The following GINS2 variants were observed in gnomAD, a reference collection of about 807,000 sequenced individuals.
The protein encoded by GINS2 is DNA replication complex GINS protein PSF2.
Under a neutral mutation model 21.2 loss-of-function variants are expected in GINS2, and 23 were observed. That is an observed-to-expected ratio of 1.08 (90% CI 0.78 to 1.53). The LOEUF (loss-of-function observed/expected upper bound fraction) is 1.53. Among genes scored for constraint, GINS2 ranks in the 40% most tolerant of loss-of-function variants. The pLI is 0.00. For synonymous variants in GINS2, 118 were observed against 85.6 expected (o/e 1.38, Z -2.09); for missense variants, 323 against 233.9 (o/e 1.38, Z -2.49).
At chr16:85,686,723 G>C (rs1167236753) in intron 2 of GINS2, among the ~76,000 whole-genome samples, 1 of 152,188 alleles carries the variant, frequency 6.6e-6, no homozygotes, top group Non-Finnish European at 1.5e-5. Flanking sequence ...AGATCTTTAA[G>C]ATGTTTCAGG....
rs1175581807 is a variant in GINS2 at position 85,677,253 on chromosome 16, CAAGGT to C, written c.*954_*958del. 6.6e-6 allele frequency: 1 copy of C among 152,176 alleles called. No individual in the cohort carries two copies. 9.4% of individuals were successfully genotyped at this position (152,176 alleles called of 1,614,324 possible). ...GATGCTGGACGATCATTTCACCTCT[CAAGGT>C]AATGTAATTTCTGTAAAGGTCCTAA... On this transcript the variant is annotated 3_prime_UTR_variant, in exon 5 of 5. Transcript: ENST00000253462.
intron 1 of GINS2, 123 bp downstream of exon 1, chr16:85,688,686 C>G (rs1156392138): frequency 1.1e-5 from 5 of 460,912 alleles, no homozygotes; most frequent in Non-Finnish European, 1.9e-5. Context: ...AGTCAAGCGC[C>G]GAGTGGTGGC....
rs1031532661 is a variant in GINS2, at chr16:85,688,734, G to A, written c.90+75C>T. The A allele has an allele frequency of 1.3e-4, 108 of 825,854 alleles. 2 individuals are homozygous for A. In the African/African-American group the frequency reaches 1.8e-3, roughly 14 times the overall value. The allele number at this position is 825,854 out of a possible 1,614,324, so 51.2% of individuals were successfully genotyped here. ...GGGAGCAGGGCGAGCCCGCGACCCCGGGGCTGAAGGCCACGCGGGAGCCCC... is the reference window on the plus strand; with the variant it reads ...GGGAGCAGGGCGAGCCCGCGACCCCAGGGCTGAAGGCCACGCGGGAGCCCC... On this transcript the variant is annotated intron_variant, in intron 1 of 4. Transcript: ENST00000253462.
At chr16:85,681,813 G>T in intron 2 of GINS2, 132 bp from the exon 3 acceptor site, 1 of 612,452 alleles carries the variant, frequency 1.6e-6, no homozygotes, top group Non-Finnish European at 2.9e-6. Context: ...AAAACATTTT[G>T]GGATGACATT....
intron 2 of GINS2, among the ~76,000 whole-genome samples, chr16:85,684,992 T>G (rs2053762854): frequency 6.6e-6 from 1 of 152,130 alleles, no homozygotes; most frequent in Non-Finnish European, 1.5e-5. Flanking sequence ...TTTCACCATG[T>G]TGGCCAGGCT....
rs1445896071 is a variant in GINS2, at chr16:85,684,912, C to A, written c.205+2548G>T. Among the ~76,000 whole-genome samples the A allele has an allele frequency of 2.0e-5, 3 of 152,124 alleles. No individual in the cohort carries two copies. In the East Asian group the frequency reaches 5.8e-4, roughly 29 times the overall value. On this transcript the variant is annotated intron_variant, in intron 2 of 4. Transcript: ENST00000253462. The stretch of plus-strand genomic sequence containing the variant: ...AAGCAATTCTCCCTGCCTCAGCCTC[C>A]CAAGTAGCTGGGATTACAGGCGCCC...
intron 1 of GINS2, among the ~76,000 whole-genome samples, chr16:85,688,266 A>C (rs1218843303): frequency 1.3e-5 from 2 of 151,514 alleles, no homozygotes; most frequent in Admixed American, 6.6e-5. Context: ...CAAATAAATA[A>C]GCCGGGCGCA....
chr16:85,681,058 G>A (rs1269044343), intron 3 of GINS2, among the ~76,000 whole-genome samples: 1 of 152,240 alleles, frequency 6.6e-6, no homozygotes. Context: ...AAGCTACGGA[G>A]TTACTACAGC....
intron 2 of GINS2, 106 bp downstream of exon 2, chr16:85,687,354 A>C (rs954835160): frequency 3.3e-6 from 2 of 599,816 alleles, no homozygotes; most frequent in Admixed American, 5.8e-5. Flanking sequence ...CAGAGGGAGC[A>C]CGGACCTAGT....
intron 3 of GINS2, 149 bp downstream of exon 3, chr16:85,681,433 T>A (rs2053731363): frequency 1.7e-6 from 1 of 604,858 alleles, no homozygotes; most frequent in East Asian, 2.9e-5. Flanking sequence ...ACAGATGACC[T>A]CATGGTCACT....
Position 85,678,631 on chromosome 16 carries a change from C to A in GINS2, c.341G>T (p.Arg114Leu), listed in dbSNP as rs776634355. The A allele has an allele frequency of 2.0e-5, 33 of 1,613,604 alleles. No homozygotes were observed. Among genetic ancestry groups the A allele is most frequent in the Admixed American group, 1.8e-4 (11 of 59,988 alleles). ...SDNIPKADEIRTLVKDMWDTR... is the reference protein window; with the variant it reads ...SDNIPKADEILTLVKDMWDTR... ...GTCCCACATATCCTTGACCAGGGTC[C>A]GGATTTCGTCTGCCTTCGGGATGTT... The change falls in exon 4 of 5, where the codon CGG (arginine) becomes CTG (leucine). Residue 114 changes from arginine (R) to leucine (L), a missense_variant. Physicochemically the swap from Arg to Leu is moderately radical, Grantham distance 102. Transcript: ENST00000253462.
At position 85,687,575 on chromosome 16, in the gene GINS2, C is replaced by A. The variant is rs894814384; in HGVS notation, c.91-1G>T. ...CAGGGTTAAAAGGCCCCAGGTCCCC[C>A]TGCCAAAAGTAAAACAATTCCCCGT... On this transcript the variant is annotated splice_acceptor_variant, in intron 1 of 4. Transcript: ENST00000253462. LOFTEE classifies it high-confidence loss of function. 2.0e-6 allele frequency: 3 copies of A among 1,530,150 alleles called. No individual in the cohort carries two copies. The highest frequency in any genetic ancestry group is 2.8e-5 in the African/African-American group (2 of 71,316). 94.8% of individuals were successfully genotyped at this position (1,530,150 alleles called of 1,614,324 possible).
At chr16:85,680,883 G>A (rs75352801) in intron 3 of GINS2, among the ~76,000 whole-genome samples, 2,892 of 152,324 alleles carry the variant, frequency 0.019, 89 homozygotes, top group African/African-American at 0.065. Flanking sequence ...GGAGGAGCAC[G>A]CACTAGGCTG....
chr16:85,680,467 G>A (rs1447771244), intron 3 of GINS2, among the ~76,000 whole-genome samples: 2 of 152,134 alleles, frequency 1.3e-5, no homozygotes, highest in Non-Finnish European at 2.9e-5. Context: ...GACATTCTAA[G>A]TATCTCCCAA....
chr16:85,685,040 C>T (rs1350348691), intron 2 of GINS2, among the ~76,000 whole-genome samples: 1 of 152,050 alleles, frequency 6.6e-6, no homozygotes, highest in Non-Finnish European at 1.5e-5. Flanking sequence ...CCACCCATCT[C>T]GGCCTCCCAA....
At chr16:85,678,497 T>C (rs1439768803) in intron 4 of GINS2, 43 bp downstream of exon 4, 12 of 1,602,166 alleles carry the variant, frequency 7.5e-6, no homozygotes, top group Non-Finnish European at 9.4e-6. Flanking sequence ...TGTGAAATTA[T>C]GCGGCATCAA....
rs2053676922 is a variant in GINS2, at chr16:85,676,738, C to G, written c.*1474G>C. 1 of 152,240 alleles carries G rather than the reference C, an allele frequency of 6.6e-6. No homozygotes were observed. The highest frequency in any genetic ancestry group is 1.5e-5 in the Non-Finnish European group (1 of 68,064). 9.4% of individuals were successfully genotyped at this position (152,240 alleles called of 1,614,324 possible). A position where few individuals can be genotyped will look rare whatever the true frequency, so the allele number is the denominator to read the frequency against. On this transcript the variant is annotated 3_prime_UTR_variant, in exon 5 of 5. Transcript: ENST00000253462. ...GGCATGGCGGCTCATGCTTGCAATC[C>G]CAGTGCTTTGGGAGGCTGTGGTGGG...
At position 85,681,641 on chromosome 16, in the gene GINS2, T is replaced by G. The variant is rs374147846; in HGVS notation, c.246A>C (p.Glu82Asp). 1.2e-4 allele frequency: 188 copies of G among 1,612,774 alleles called. No individual in the cohort carries two copies. Among genetic ancestry groups the G allele is most frequent in the Non-Finnish European group, 1.5e-4 (180 of 1,178,966 alleles). The part of the protein sequence containing the change: ...EKMRDHERKE[E>D]TFTPMPSPYY... Reference sequence around the variant, plus strand: ...AAGGGCTGGGCATTGGGGTAAAAGTTTCTTCCTTTCGTTCATGATCCCTCA... The same window carrying G: ...AAGGGCTGGGCATTGGGGTAAAAGTGTCTTCCTTTCGTTCATGATCCCTCA... Residue 82 changes from glutamate to aspartate, a missense_variant, in exon 3 of 5, where the codon GAA (glutamate) becomes GAC (aspartate). Transcript: ENST00000253462.
In GINS2 at chr16:85,681,619, G is replaced by C. The variant is rs780271794; in HGVS notation, c.268C>G (p.Pro90Ala). 2.4e-5 allele frequency: 38 copies of C among 1,612,216 alleles called. No individual in the cohort carries two copies. Among genetic ancestry groups the C allele is most frequent in the Non-Finnish European group, 3.2e-5 (38 of 1,178,480 alleles). Residue 90 changes from proline (P) to alanine (A), a missense_variant, in exon 3 of 5, where the codon CCT (proline) becomes GCT (alanine). By Grantham distance (27) the Pro-to-Ala change is conservative. Coordinates refer to ENST00000253462, the MANE Select transcript of GINS2 (RefSeq NM_016095.3). ...KEETFTPMPS[P>A]YYMELTKLLL... Reference sequence around the variant, plus strand: ...AGCTTCGTAAGTTCCATGTAGTAAGGGCTGGGCATTGGGGTAAAAGTTTCT... The same window carrying C: ...AGCTTCGTAAGTTCCATGTAGTAAGCGCTGGGCATTGGGGTAAAAGTTTCT...
Sources: allele counts gnomAD v4.1 joint callset (sites outside exome capture counted in the v4.1 genomes callset), GRCh38; gene constraint gnomAD v4.1.1; transcripts MANE v1.5; gene names NCBI Gene and HGNC (gene_info 2026-07-23, HGNC 2026-07-21).